ADCY5: variants seen among roughly 807,000 people sequenced by gnomAD.
The protein encoded by ADCY5 is adenylate cyclase 5.
Under a neutral mutation model 119.7 loss-of-function variants are expected in ADCY5, and 30 were observed. The ratio of observed to expected loss-of-function variants is 0.25; its 90% CI spans 0.19 to 0.34. ADCY5 has a LOEUF of 0.34. ADCY5 is among the 10% of genes least tolerant of loss of function. ADCY5 has a pLI of 1.00. For missense variants in ADCY5, 1,324 were observed against 1,775.2 expected (o/e 0.75, Z 4.57); for synonymous variants, 753 against 762.2 (o/e 0.99, Z 0.20).
chr3:123,368,026 T>C, intron 1 of ADCY5: 4 of 1,481,180 alleles, frequency 2.7e-6, no homozygotes, highest in Non-Finnish European at 3.6e-6. Flanking sequence ...TCAGCAGGGA[T>C]CCAGGGGCCC....
intron 1 of ADCY5, chr3:123,368,179 G>T: frequency 1.5e-6 from 1 of 677,646 alleles, no homozygotes; most frequent in Non-Finnish European, 2.3e-6. Flanking sequence ...CTCTATAATG[G>T]AGCTAATGAC....
At position 123,405,926 on chromosome 3, in the gene ADCY5, C is replaced by T. The variant is rs541591730; in HGVS notation, c.1134+41486G>A. 7.2e-5 allele frequency among the ~76,000 whole-genome samples: 11 copies of T among 152,278 alleles called. No homozygotes were observed. In the East Asian group the frequency reaches 1.5e-3, roughly 21 times the overall value. ...CTGGGATTACAGGTGTGAGCCACCA[C>T]ACCCAGCACTTTTTATTTTTCATCT... On this transcript the variant is annotated intron_variant, in intron 1 of 20. Transcript: ENST00000462833.
At chr3:123,295,828 C>T (rs1238578695) in intron 17 of ADCY5, among the ~76,000 whole-genome samples, 5 of 152,202 alleles carry the variant, frequency 3.3e-5, no homozygotes, top group Admixed American at 6.5e-5. Context: ...CTCCTGGACC[C>T]GTCAGAGTCC....
intron 1 of ADCY5, among the ~76,000 whole-genome samples, chr3:123,421,679 G>A (rs1470999978): frequency 6.6e-6 from 1 of 152,184 alleles, no homozygotes; most frequent in African/African-American, 2.4e-5. Flanking sequence ...TGGGGGCACA[G>A]GACAGATGGA....
intron 1 of ADCY5, among the ~76,000 whole-genome samples, chr3:123,412,741 C>T (rs1056458142): frequency 3.3e-5 from 5 of 151,952 alleles, no homozygotes; most frequent in African/African-American, 1.2e-4. Context: ...TTCAGCTTTA[C>T]CACAAAAAGA....
At chr3:123,372,080 C>T (rs1943662848) in intron 1 of ADCY5, among the ~76,000 whole-genome samples, 1 of 152,232 alleles carries the variant, frequency 6.6e-6, no homozygotes, top group Admixed American at 6.5e-5. Context: ...CTTGCTGACA[C>T]TGCACTTACT....
At chr3:123,316,848 T>C (rs1373430455) in intron 11 of ADCY5, among the ~76,000 whole-genome samples, 1 of 152,142 alleles carries the variant, frequency 6.6e-6, no homozygotes, top group East Asian at 1.9e-4. Context: ...TTTTTAGGGG[T>C]AAATGTCTTT....
intron 16 of ADCY5, chr3:123,296,949 G>A: frequency 6.5e-7 from 1 of 1,527,614 alleles, no homozygotes. Context: ...CTCAATGCAG[G>A]GACGGGTCCC....
At chr3:123,322,001 T>C (rs916561318) in intron 8 of ADCY5, among the ~76,000 whole-genome samples, 5 of 152,192 alleles carry the variant, frequency 3.3e-5, no homozygotes, top group African/African-American at 1.2e-4. Flanking sequence ...CCTCTGAGAA[T>C]GGCCAGGCCC....
chr3:123,329,849 T>A (rs1035417825), intron 5 of ADCY5, among the ~76,000 whole-genome samples: 14 of 152,154 alleles, frequency 9.2e-5, no homozygotes, highest in African/African-American at 3.4e-4. Context: ...CAGAATACCT[T>A]CACTGAAATA....
Position 123,365,097 on chromosome 3 carries a change from C to A in ADCY5, c.1135-12516G>T, listed in dbSNP as rs187560593. ...TACAGGCGCCCACCACCATGCCTAG[C>A]TAATTTTTGTATTTTTAGTAGAGAC... On this transcript the variant is annotated intron_variant, in intron 1 of 20. Coordinates refer to ENST00000462833, the MANE Select transcript of ADCY5 (RefSeq NM_183357.3). Among the ~76,000 whole-genome samples the A allele has an allele frequency of 4.8e-3, 728 of 152,136 alleles. 3 individuals carry two copies. The highest frequency in any genetic ancestry group is 0.017 in the African/African-American group (705 of 41,482).
chr3:123,385,555 A>G (rs1413375400), intron 1 of ADCY5, among the ~76,000 whole-genome samples: 1 of 152,092 alleles, frequency 6.6e-6, no homozygotes, highest in African/African-American at 2.4e-5. Context: ...AGGGTGGGAG[A>G]GGAAACCCAC....
chr3:123,375,430 G>A (rs1943791492), intron 1 of ADCY5, among the ~76,000 whole-genome samples: 1 of 152,234 alleles, frequency 6.6e-6, no homozygotes, highest in Non-Finnish European at 1.5e-5. Context: ...AAGACTCTGG[G>A]ACCCAGTGGT....
intron 1 of ADCY5, among the ~76,000 whole-genome samples, chr3:123,442,654 C>G (rs894902845): frequency 2.0e-5 from 3 of 152,294 alleles, no homozygotes; most frequent in Non-Finnish European, 4.4e-5. Context: ...GAATTATTAA[C>G]AGTGTACATT....
chr3:123,325,226 C>A, intron 8 of ADCY5, 96 bp downstream of exon 8: 1 of 1,482,616 alleles, frequency 6.7e-7, no homozygotes, highest in South Asian at 1.3e-5. Flanking sequence ...CCCAGATTCC[C>A]TTGGGCAACA....
At chr3:123,358,046 A>G (rs905836673) in intron 1 of ADCY5, among the ~76,000 whole-genome samples, 2 of 152,306 alleles carry the variant, frequency 1.3e-5, no homozygotes, top group African/African-American at 4.8e-5. Flanking sequence ...ATAATAACAG[A>G]TATCAGTCAC....
At chr3:123,356,770 C>G (rs944609225) in intron 1 of ADCY5, among the ~76,000 whole-genome samples, 1 of 152,200 alleles carries the variant, frequency 6.6e-6, no homozygotes, top group Non-Finnish European at 1.5e-5. Context: ...GGTCCAGCTA[C>G]TTTGGAAAAC....
At chr3:123,332,747 A>T (rs1941821340) in intron 3 of ADCY5, 72 bp from the exon 4 acceptor site, 2 of 1,017,656 alleles carry the variant, frequency 2.0e-6, no homozygotes, top group Admixed American at 2.0e-5. Flanking sequence ...CATACATTAC[A>T]TCTTTTTTTT....
At chr3:123,385,284 G>GACACACACACACACACAC (rs146450872) in intron 1 of ADCY5, among the ~76,000 whole-genome samples, 41 of 142,122 alleles carry the variant, frequency 2.9e-4, no homozygotes, top group South Asian at 2.3e-4. Context: ...GTCCACTGCA[G>GACACACACACACACACAC]ACACACACGC....
Sources: gnomAD v4.1 joint callset for allele counts (sites outside exome capture counted in the v4.1 genomes callset) on GRCh38, gnomAD v4.1.1 for gene constraint, MANE v1.5 for transcripts, NCBI Gene and HGNC (gene_info 2026-07-23, HGNC 2026-07-21) for gene names.